Variants in IQSEC1 observed in about 807,000 individuals in gnomAD.
IQSEC1 encodes the protein IQ motif and SEC7 domain-containing protein 1.
Under a neutral mutation model 91.0 loss-of-function variants are expected in IQSEC1, and 31 were observed. That is an observed-to-expected ratio of 0.34 (90% CI 0.26 to 0.46). IQSEC1 has a LOEUF of 0.46. IQSEC1 is among the 20% of genes least tolerant of loss of function. IQSEC1 has a pLI of 1.00. For synonymous variants in IQSEC1, 699 were observed against 662.6 expected, an observed-to-expected ratio of 1.05 and a Z score of -0.84; for missense variants, 1,388 against 1,575.6, an observed-to-expected ratio of 0.88 and a Z score of 2.02.
At chr3:12,957,591 G>A (rs1256370753) in intron 1 of IQSEC1, among the ~76,000 whole-genome samples, 1 of 152,192 alleles carries the variant, frequency 6.6e-6, no homozygotes, top group African/African-American at 2.4e-5. Context: ...GAGCCAGGCT[G>A]GAGGCACAGG....
chr3:12,929,247 G>A (rs1254202803), intron 3 of IQSEC1, among the ~76,000 whole-genome samples: 3 of 152,212 alleles, frequency 2.0e-5, no homozygotes, highest in Non-Finnish European at 4.4e-5. Context: ...TACTCATAAC[G>A]TACCATGCCT....
At chr3:13,198,225 T>A (rs1576291644) in intron 1 of IQSEC1, among the ~76,000 whole-genome samples, 1 of 152,256 alleles carries the variant, frequency 6.6e-6, no homozygotes, top group Admixed American at 6.5e-5. Flanking sequence ...CATTAAAAGG[T>A]AATTTACTTT....
chr3:12,950,032 C>G (rs561100741), intron 1 of IQSEC1, among the ~76,000 whole-genome samples: 1 of 152,330 alleles, frequency 6.6e-6, no homozygotes, highest in Admixed American at 6.5e-5. Context: ...GGGGCTGGGT[C>G]ACCCACACGT....
chr3:12,955,856 C>G (rs1043871039), intron 1 of IQSEC1, among the ~76,000 whole-genome samples: 2 of 152,150 alleles, frequency 1.3e-5, no homozygotes, highest in Non-Finnish European at 2.9e-5. Context: ...TCGGACTGCA[C>G]GGAGCTCTCT....
intron 1 of IQSEC1, among the ~76,000 whole-genome samples, chr3:12,976,102 G>T (rs1367961710): frequency 6.6e-6 from 1 of 152,204 alleles, no homozygotes. Context: ...TGAGCCATCC[G>T]GTGCTGGGCC....
At chr3:12,929,683 A>G (rs745443326) in intron 3 of IQSEC1, among the ~76,000 whole-genome samples, 3 of 152,122 alleles carry the variant, frequency 2.0e-5, no homozygotes, top group Non-Finnish European at 2.9e-5. Context: ...CCCTTTGTGT[A>G]TACCCGTTAC....
At chr3:12,997,449 T>C (rs927453722) in intron 1 of IQSEC1, among the ~76,000 whole-genome samples, 1 of 152,260 alleles carries the variant, frequency 6.6e-6, no homozygotes, top group Non-Finnish European at 1.5e-5. Context: ...GATGGGCCAA[T>C]TGAAGTCTCT....
intron 13 of IQSEC1, among the ~76,000 whole-genome samples, chr3:12,901,895 C>T (rs949704463): frequency 6.6e-6 from 1 of 152,106 alleles, no homozygotes; most frequent in African/African-American, 2.4e-5. Context: ...GTGGCGAGTG[C>T]AGAGGGGCTG....
intron 1 of IQSEC1, among the ~76,000 whole-genome samples, chr3:13,212,881 T>C (rs1378614441): frequency 6.6e-6 from 1 of 152,246 alleles, no homozygotes; most frequent in East Asian, 1.9e-4. Context: ...TGTCATTGCT[T>C]TGACTGCTTT....
At chr3:13,265,641 T>A (rs1695475736) in intron 1 of IQSEC1, among the ~76,000 whole-genome samples, 1 of 152,004 alleles carries the variant, frequency 6.6e-6, no homozygotes, top group Non-Finnish European at 1.5e-5. Flanking sequence ...AGCCCCCTCA[T>A]CCCTCTGGTG....
chr3:13,144,207 G>A (rs563763462), intron 2 of IQSEC1, among the ~76,000 whole-genome samples: 16 of 152,326 alleles, frequency 1.1e-4, no homozygotes, highest in Admixed American at 4.6e-4. Context: ...CTCTTTAGCC[G>A]ACAAAACAGA....
intron 1 of IQSEC1, among the ~76,000 whole-genome samples, chr3:13,009,496 A>G (rs770508605): frequency 6.6e-6 from 1 of 151,442 alleles, no homozygotes; most frequent in Admixed American, 6.6e-5. Context: ...TGGGCGGCCA[A>G]CTCCCTTTGA....
chr3:12,919,245 T>G (rs1333584734), intron 6 of IQSEC1, among the ~76,000 whole-genome samples: 1 of 152,200 alleles, frequency 6.6e-6, no homozygotes, highest in Non-Finnish European at 1.5e-5. Context: ...ACTTGGGGCC[T>G]GCGATGCCCC....
intron 2 of IQSEC1, among the ~76,000 whole-genome samples, chr3:13,156,807 T>A (rs6442353): frequency 6.6e-6 from 1 of 151,406 alleles, no homozygotes; most frequent in Non-Finnish European, 1.5e-5. Flanking sequence ...TGAGGAGAAC[T>A]CATCTTGGGT....
Position 12,901,104 on chromosome 3 carries a change from C to T in IQSEC1, c.3224G>A (p.Gly1075Asp). Residue 1075 changes from glycine (G) to aspartate (D), a missense_variant, in exon 14 of 14, where the codon GGC becomes GAC. Gly to Asp is a moderately conservative substitution (Grantham distance 94, BLOSUM62 -1). Around this residue, in one of 2 missense-constraint regions of IQSEC1, gnomAD observed 329 missense variants for 257.8 expected, o/e 1.28. Transcript: ENST00000613206. ...GTGGGCCGAGGGCAGCGGCGGGTGG[C>T]CGTGGGCATGGGCCCCGTAGGCTGG... ...GHPAYGAHAH[G>D]HPPLPSAHVG... 1 of 1,538,228 alleles carries T rather than the reference C, an allele frequency of 6.5e-7. No individual in the cohort carries two copies.
At chr3:13,163,552 C>T (rs1420610301) in intron 2 of IQSEC1, among the ~76,000 whole-genome samples, 3 of 152,038 alleles carry the variant, frequency 2.0e-5, no homozygotes, top group African/African-American at 4.8e-5. Flanking sequence ...TCAGACCAGA[C>T]CCTCTTCTAG....
At chr3:13,150,926 G>T (rs931205859) in intron 2 of IQSEC1, among the ~76,000 whole-genome samples, 1 of 152,242 alleles carries the variant, frequency 6.6e-6, no homozygotes, top group Non-Finnish European at 1.5e-5. Flanking sequence ...ATGGTCCAGG[G>T]CTGGCCTGGT....
chr3:12,924,476 C>T lies in IQSEC1; in HGVS notation c.1730+105G>A. ...GAGAAAGGGGGGCCCACCACATGTC[C>T]CAGCAAGTAGGGTGGGCCTGGCCCT... On this transcript the variant is annotated intron_variant, in intron 4 of 13. Coordinates refer to ENST00000613206, the MANE Select transcript of IQSEC1 (RefSeq NM_001134382.3). This position sits in a 1 kb window ranked among gnomAD's most constrained non-coding sequence, Gnocchi z 6.3. 2 of 1,209,552 alleles carry T rather than the reference C, an allele frequency of 1.7e-6. No individual in the cohort carries two copies. Among genetic ancestry groups the T allele is most frequent in the Non-Finnish European group, 2.3e-6 (2 of 881,558 alleles). The allele number at this position is 1,209,552 out of a possible 1,614,324, so 74.9% of individuals were successfully genotyped here.
intron 1 of IQSEC1, among the ~76,000 whole-genome samples, chr3:12,990,123 C>T (rs2125624549): frequency 6.6e-6 from 1 of 152,338 alleles, no homozygotes; most frequent in South Asian, 2.1e-4. Context: ...CACGTTGGCA[C>T]TTTTAGGATT....
Sources: gnomAD v4.1 joint callset for allele counts (sites outside exome capture counted in the v4.1 genomes callset) on GRCh38, gnomAD v4.1.1 for gene constraint, gnomAD v4.1.1 regional missense constraint, Gnocchi (gnomAD v3.1) non-coding constraint, MANE v1.5 for transcripts, NCBI Gene and HGNC (gene_info 2026-07-23, HGNC 2026-07-21) for gene names.